Variants in TSPAN17 observed in about 807,000 individuals in gnomAD.
TSPAN17 encodes tetraspanin-17.
Under a neutral mutation model 40.5 loss-of-function variants are expected in TSPAN17, and 33 were observed. That is an observed-to-expected ratio of 0.81 (90% CI 0.62 to 1.09). The LOEUF (loss-of-function observed/expected upper bound fraction) is 1.09. TSPAN17 is among the 50% of genes least tolerant of loss of function. TSPAN17 has a pLI of 0.00. For synonymous variants in TSPAN17, 166 were observed against 169.4 expected, an observed-to-expected ratio of 0.98 and a Z score of 0.15; for missense variants, 365 against 416.8, an observed-to-expected ratio of 0.88 and a Z score of 1.08.
At chr5:176,648,764 G>A (rs1324697265) in intron 1 of TSPAN17, among the ~76,000 whole-genome samples, 2 of 152,222 alleles carry the variant, frequency 1.3e-5, no homozygotes, top group Admixed American at 6.5e-5. Flanking sequence ...GGGAGACGAC[G>A]ATAAAGAATC....
rs566731848 is a variant in TSPAN17, at chr5:176,654,780, T to C, written c.457-115T>C. The C allele has an allele frequency of 7.2e-6, 10 of 1,379,628 alleles. No individual in the cohort carries two copies. The highest frequency in any genetic ancestry group is 7.2e-5 in the South Asian group (5 of 69,428). The allele number at this position is 1,379,628 out of a possible 1,614,324, so 85.5% of individuals were successfully genotyped here. On this transcript the variant is annotated intron_variant, in intron 4 of 8. Transcript: ENST00000508164. This position sits in a 1 kb window ranked among gnomAD's most constrained non-coding sequence, Gnocchi z 4.3. The stretch of plus-strand genomic sequence containing the variant: ...GTGGGGAGGTGGCCACCCACTTGGC[T>C]GTCCCAGCCCTGTCCCAGACAGCCC...
Position 176,657,980 on chromosome 5 carries a change from G to T in TSPAN17, c.*282G>T. ...GAGGCTGGACCCCGCTTTGAAGAGGGTGCAGCCTGGGAAGGGCGGCCTTGC... is the reference window on the plus strand; with the variant it reads ...GAGGCTGGACCCCGCTTTGAAGAGGTTGCAGCCTGGGAAGGGCGGCCTTGC... On this transcript the variant is annotated 3_prime_UTR_variant, in exon 9 of 9. Coordinates refer to ENST00000508164, the MANE Select transcript of TSPAN17 (RefSeq NM_130465.5). 2 of 374,890 alleles carry T rather than the reference G, an allele frequency of 5.3e-6. No homozygotes were observed. Among genetic ancestry groups the T allele is most frequent in the South Asian group, 9.7e-5 (2 of 20,562 alleles). 23.2% of individuals were successfully genotyped at this position (374,890 alleles called of 1,614,324 possible). A position where few individuals can be genotyped will look rare whatever the true frequency, so the allele number is the denominator to read the frequency against.
At chr5:176,652,625 G>A in intron 3 of TSPAN17, 118 bp from the exon 4 acceptor site, 1 of 912,424 alleles carries the variant, frequency 1.1e-6, no homozygotes, top group Non-Finnish European at 1.7e-6. Flanking sequence ...GGGGCTCTGG[G>A]CGCCTCTGGG....
chr5:176,647,997 C>T (rs1334746977), intron 1 of TSPAN17, among the ~76,000 whole-genome samples: 2 of 152,160 alleles, frequency 1.3e-5, no homozygotes, highest in Admixed American at 6.5e-5. Context: ...ACCCCAGGGG[C>T]GTGCTAGGTG....
rs577530289 is a variant in TSPAN17, at chr5:176,657,967, C to T, written c.*269C>T. 1.9e-5 allele frequency: 8 copies of T among 432,046 alleles called. No individual in the cohort carries two copies. The highest frequency in any genetic ancestry group is 5.5e-5 in the East Asian group (1 of 18,176). The allele number at this position is 432,046 out of a possible 1,614,324, so 26.8% of individuals were successfully genotyped here. ...CCTGAAGGATGGAGAGGCTGGACCC[C>T]GCTTTGAAGAGGGTGCAGCCTGGGA... On this transcript the variant is annotated 3_prime_UTR_variant, in exon 9 of 9. Coordinates refer to ENST00000508164, the MANE Select transcript of TSPAN17 (RefSeq NM_130465.5).
At position 176,651,183 on chromosome 5, in the gene TSPAN17, C is replaced by G. The variant is rs1261830379; in HGVS notation, c.88-433C>G. ...TGTTGAGGGCGGGGCCGCAGTCACA[C>G]GGCTTTAGGGTAGCAGGAGAGCTGG... On this transcript the variant is annotated intron_variant, in intron 1 of 8. Coordinates refer to ENST00000508164, the MANE Select transcript of TSPAN17 (RefSeq NM_130465.5). This position sits in a 1 kb window ranked among gnomAD's most constrained non-coding sequence, Gnocchi z 4.5. Among the ~76,000 whole-genome samples the G allele has an allele frequency of 6.6e-6, 1 of 152,090 alleles. No homozygotes were observed. Among genetic ancestry groups the G allele is most frequent in the African/African-American group, 2.4e-5 (1 of 41,414 alleles).
At chr5:176,655,734 C>CA (rs11420495) in intron 5 of TSPAN17, among the ~76,000 whole-genome samples, 95,966 of 125,796 alleles carry the variant, frequency 0.76, 36,506 homozygotes, top group Non-Finnish European at 0.85. Context: ...CTCGTGTCTA[C>CA]AAAAAAAAAA....
rs1347879021 is a variant in TSPAN17 at position 176,656,268 on chromosome 5, C to T, written c.630+143C>T. On this transcript the variant is annotated intron_variant, in intron 6 of 8. Transcript: ENST00000508164. ...CCCAGGAACCAGCCAGACACCCAGGCAGCGGAGGGGGAGTAGACCCCTGGG... is the reference window on the plus strand; with the variant it reads ...CCCAGGAACCAGCCAGACACCCAGGTAGCGGAGGGGGAGTAGACCCCTGGG... 15 of 867,484 alleles carry T rather than the reference C, an allele frequency of 1.7e-5. No homozygotes were observed. In the East Asian group the frequency reaches 2.9e-4, roughly 16 times the overall value. The allele number at this position is 867,484 out of a possible 1,614,324, so 53.7% of individuals were successfully genotyped here.
At chr5:176,649,706 C>T (rs1430062071) in intron 1 of TSPAN17, among the ~76,000 whole-genome samples, 4 of 152,172 alleles carry the variant, frequency 2.6e-5, no homozygotes, top group African/African-American at 9.6e-5. Context: ...GGATTACAGG[C>T]GTGAGCCACC....
At chr5:176,657,313 C>A in intron 8 of TSPAN17, 1 of 910,318 alleles carries the variant, frequency 1.1e-6, no homozygotes, top group Non-Finnish European at 1.6e-6. Flanking sequence ...GGAGGGTCCC[C>A]CCCGTTCCCT....
In TSPAN17 at chr5:176,656,728, C is replaced by G. The variant is rs1195868309; in HGVS notation, c.659C>G (p.Thr220Ser). Residue 220 changes from threonine (T) to serine (S), a missense_variant, in exon 7 of 9, where the codon ACC (threonine) becomes AGC (serine). Thr to Ser is a moderately conservative substitution (Grantham distance 58). Transcript: ENST00000508164. ...LELEQQGFIH[T>S]KGCVGQFEKW... ...CTGGAGCAGCAGGGCTTCATCCACA[C>G]CAAAGGCTGCGTGGGCCAGTTTGAG... 2 of 1,614,176 alleles carry G rather than the reference C, an allele frequency of 1.2e-6. No homozygotes were observed. The highest frequency in any genetic ancestry group is 2.2e-5 in the South Asian group (2 of 91,088).
intron 5 of TSPAN17, among the ~76,000 whole-genome samples, chr5:176,655,734 CAA>C (rs11420495): frequency 3.2e-5 from 4 of 125,830 alleles, no homozygotes; most frequent in Non-Finnish European, 3.3e-5. Flanking sequence ...CTCGTGTCTA[CAA>C]AAAAAAAAAA....
In TSPAN17 at chr5:176,655,155, G is replaced by A. The variant is rs1761106178; in HGVS notation, c.582+135G>A. 3 of 1,173,746 alleles carry A rather than the reference G, an allele frequency of 2.6e-6. No homozygotes were observed. In the South Asian group the frequency reaches 4.8e-5, roughly 19 times the overall value. The allele number at this position is 1,173,746 out of a possible 1,614,324, so 72.7% of individuals were successfully genotyped here. On this transcript the variant is annotated intron_variant, in intron 5 of 8. Transcript: ENST00000508164. ...TGGGGGACGTCATTTTACATGGGTG[G>A]CACTGAGGCCTGTTGGGGCGCGGCT... is the stretch of plus-strand genomic sequence containing the variant.
chr5:176,656,813 C>A lies in TSPAN17; in HGVS notation c.744C>A (p.Leu248=). Residue 248 remains leucine (L), a synonymous_variant, in exon 7 of 9, where the codon CTC becomes CTA. Coordinates refer to ENST00000508164, the MANE Select transcript of TSPAN17 (RefSeq NM_130465.5). ...VAGVFMGIAL[L]QIFGICLAQN... is the part of the protein sequence containing the mutation. ...GAGTCTTCATGGGCATCGCCCTCCTCCAGGTACCCTTGTGGCCCCACGTGC... is the reference window on the plus strand; with the variant it reads ...GAGTCTTCATGGGCATCGCCCTCCTACAGGTACCCTTGTGGCCCCACGTGC... 1 of 1,614,224 alleles carries A rather than the reference C, an allele frequency of 6.2e-7. No individual in the cohort carries two copies. Among genetic ancestry groups the A allele is most frequent in the Non-Finnish European group, 8.5e-7 (1 of 1,180,016 alleles).
intron 4 of TSPAN17, 128 bp downstream of exon 4, chr5:176,653,041 C>G: frequency 1.0e-6 from 1 of 978,668 alleles, no homozygotes; most frequent in Middle Eastern, 3.0e-4. Context: ...GGAGAGAGAC[C>G]CAGGAGTGTC....
chr5:176,655,016 C>G lies in TSPAN17; in HGVS notation c.578C>G (p.Pro193Arg), dbSNP rs1476801485. ...CCCTTCTCCTGCTGCGTCAGGGACC[C>G]TGCGGTGAGTGGGGCTGGGGGAGGA... ...GVPFSCCVRDPAEDVLNTQCG... is the reference protein window; with the variant it reads ...GVPFSCCVRDRAEDVLNTQCG... The change falls in exon 5 of 9, where the codon CCT becomes CGT. Residue 193 changes from proline to arginine, a missense_variant. Physicochemically the swap from Pro to Arg is moderately radical, Grantham distance 103. Transcript: ENST00000508164. 2 of 1,604,116 alleles carry G rather than the reference C, an allele frequency of 1.2e-6. No individual in the cohort carries two copies. Among genetic ancestry groups the G allele is most frequent in the Non-Finnish European group, 1.7e-6 (2 of 1,175,034 alleles).
In TSPAN17 at chr5:176,657,910, G is replaced by A. The variant is rs1046617040; in HGVS notation, c.*212G>A. ...GGGTTATTCCCTGCACCTCGAGGCC[G>A]CTGCGGGCCAATCTGGAGTGAAACA... On this transcript the variant is annotated 3_prime_UTR_variant, in exon 9 of 9. Transcript: ENST00000508164. 26 of 803,162 alleles carry A rather than the reference G, an allele frequency of 3.2e-5. No individual in the cohort carries two copies. The highest frequency in any genetic ancestry group is 3.9e-5 in the Non-Finnish European group (22 of 561,008). The allele number at this position is 803,162 out of a possible 1,614,324, so 49.8% of individuals were successfully genotyped here. A position where few individuals can be genotyped will look rare whatever the true frequency, so the allele number is the denominator to read the frequency against.
Position 176,651,495 on chromosome 5 carries a change from G to T in TSPAN17, c.88-121G>T, listed in dbSNP as rs1391799103. 2 of 1,090,886 alleles carry T rather than the reference G, an allele frequency of 1.8e-6. No individual in the cohort carries two copies. The highest frequency in any genetic ancestry group is 2.6e-6 in the Non-Finnish European group (2 of 776,338). The allele number at this position is 1,090,886 out of a possible 1,614,324, so 67.6% of individuals were successfully genotyped here. ...GAAGATGGAAAGGACCCCGGATCCC[G>T]TTCACAGCCCTTGTGCCTCTTCCTC... On this transcript the variant is annotated intron_variant, in intron 1 of 8. Coordinates refer to ENST00000508164, the MANE Select transcript of TSPAN17 (RefSeq NM_130465.5). This position sits in a 1 kb window ranked among gnomAD's most constrained non-coding sequence, Gnocchi z 4.5.
Position 176,656,685 on chromosome 5 carries a change from C to T in TSPAN17, c.631-15C>T, listed in dbSNP as rs1275771186. The T allele has an allele frequency of 6.2e-7, 1 of 1,612,686 alleles. No homozygotes were observed. ...AAGGGCAGGTAGGCTGAGCCTGGTGCCTGCGTGTCCCCAGGAGCTGGAGCA... is the reference window on the plus strand; with the variant it reads ...AAGGGCAGGTAGGCTGAGCCTGGTGTCTGCGTGTCCCCAGGAGCTGGAGCA... On this transcript the variant is annotated splice_polypyrimidine_tract_variant and intron_variant, in intron 6 of 8. Coordinates refer to ENST00000508164, the MANE Select transcript of TSPAN17 (RefSeq NM_130465.5).
Sources: allele counts gnomAD v4.1 joint callset (sites outside exome capture counted in the v4.1 genomes callset), GRCh38; gene constraint gnomAD v4.1.1; non-coding constraint Gnocchi (gnomAD v3.1); transcripts MANE v1.5; gene names NCBI Gene and HGNC (gene_info 2026-07-23, HGNC 2026-07-21).